Variants in CYRIB observed in about 807,000 individuals in gnomAD.
CYRIB encodes CYFIP related Rac1 interactor B, also known as CYFIP-related Rac1 interactor B.
In CYRIB, 8 loss-of-function variants were observed where a neutral mutation model predicts 44.2. The observed-to-expected ratio is 0.18, with a 90% CI of 0.11 to 0.33. The LOEUF (loss-of-function observed/expected upper bound fraction) is 0.33, where lower values mean the gene tolerates loss of function less well. Ranked by LOEUF, CYRIB falls within the 10% of genes least tolerant of loss-of-function variation. The pLI is 1.00. For synonymous variants in CYRIB, 131 were observed against 127.2 expected, an observed-to-expected ratio of 1.03 and a Z score of -0.20; for missense variants, 185 against 382.8, an observed-to-expected ratio of 0.48 and a Z score of 4.31.
chr8:129,895,416 C>A (rs1211028009), intron 2 of CYRIB, among the ~76,000 whole-genome samples: 1 of 113,296 alleles, frequency 8.8e-6, no homozygotes, highest in African/African-American at 3.0e-5. Flanking sequence ...TCATAACAGT[C>A]CAGTTTTTCA....
intron 2 of CYRIB, among the ~76,000 whole-genome samples, chr8:129,964,515 G>A (rs907639570): frequency 6.6e-6 from 1 of 152,162 alleles, no homozygotes. Context: ...CTTGCAGGCC[G>A]TCATGGAATT....
intron 1 of CYRIB, among the ~76,000 whole-genome samples, chr8:130,007,214 C>A (rs1363982999): frequency 6.6e-6 from 1 of 152,164 alleles, no homozygotes; most frequent in African/African-American, 2.4e-5. Flanking sequence ...GAGATGCCCA[C>A]TGAGAAAACC....
At chr8:129,944,764 C>T (rs139230288), upstream of CYRIB, among the ~76,000 whole-genome samples, 91 of 151,544 alleles carry the variant, frequency 6.0e-4, no homozygotes, top group South Asian at 0.01. Context: ...GCCTGGGCAA[C>T]GCAGTAAGAC....
chr8:129,862,689 C>T lies in CYRIB; in HGVS notation c.196-355G>A, dbSNP rs560532791. Among the ~76,000 whole-genome samples the T allele has an allele frequency of 2.0e-5, 3 of 152,276 alleles. No individual in the cohort carries two copies. The South Asian group carries it at 6.2e-4, about 32-fold the overall frequency. Reference sequence around the variant, plus strand: ...GTTTCGCCATGTTGGCCAGGCTGGTCTCGAACTCCTGACCTCAGGTGATCC... The same window carrying T: ...GTTTCGCCATGTTGGCCAGGCTGGTTTCGAACTCCTGACCTCAGGTGATCC... On this transcript the variant is annotated intron_variant, in intron 4 of 11. Transcript: ENST00000519824.
chr8:130,007,329 T>C (rs1213804265), intron 1 of CYRIB, among the ~76,000 whole-genome samples: 1 of 152,054 alleles, frequency 6.6e-6, no homozygotes, highest in African/African-American at 2.4e-5. Context: ...CCAAAGGAGG[T>C]AGTAAAAACA....
chr8:129,941,969 T>C (rs2093742440), upstream of CYRIB, among the ~76,000 whole-genome samples: 1 of 152,170 alleles, frequency 6.6e-6, no homozygotes. Context: ...ATTTTCTCTA[T>C]GGAGAGCAAT....
chr8:129,955,824 C>G (rs1227707832), intron 2 of CYRIB, among the ~76,000 whole-genome samples: 1 of 152,140 alleles, frequency 6.6e-6, no homozygotes, highest in African/African-American at 2.4e-5. Flanking sequence ...AGCCACAAGC[C>G]AAAATAAACT....
Position 129,959,628 on chromosome 8 carries a change from A to T in CYRIB, c.-243+11315T>A, listed in dbSNP as rs150196437. 2.5e-3 allele frequency among the ~76,000 whole-genome samples: 378 copies of T among 152,232 alleles called. 4 individuals are homozygous for T. The Middle Eastern group carries it at 0.037, about 15-fold the overall frequency. ...CATCTCTATTATTAATATTTTAAAAAATAAGAAAAAGGTGAGTGTCTAATA... is the reference window on the plus strand; with the variant it reads ...CATCTCTATTATTAATATTTTAAAATATAAGAAAAAGGTGAGTGTCTAATA... On this transcript the variant is annotated intron_variant, in intron 2 of 14. Transcript: ENST00000401979.
At chr8:129,965,668 T>C (rs943255478) in intron 2 of CYRIB, among the ~76,000 whole-genome samples, 3 of 151,480 alleles carry the variant, frequency 2.0e-5, no homozygotes, top group East Asian at 2.0e-4. Flanking sequence ...TGGTGGTGGG[T>C]GCCTGTAGTC....
At chr8:129,930,386 T>TA (rs1338007307) in intron 1 of CYRIB, among the ~76,000 whole-genome samples, 73 of 130,712 alleles carry the variant, frequency 5.6e-4, no homozygotes, top group Non-Finnish European at 9.4e-4. Context: ...TATATTTTAA[T>TA]TATTTAAATC....
intron 2 of CYRIB, among the ~76,000 whole-genome samples, chr8:129,881,582 C>G (rs2060820141): frequency 6.6e-6 from 1 of 152,152 alleles, no homozygotes; most frequent in Non-Finnish European, 1.5e-5. Flanking sequence ...CTTTAGAGGT[C>G]AAAGTCTGAT....
At chr8:129,923,080 A>AG (rs1198791869) in intron 1 of CYRIB, among the ~76,000 whole-genome samples, 2 of 147,696 alleles carry the variant, frequency 1.4e-5, no homozygotes, top group African/African-American at 5.0e-5. Context: ...AAAAAAAAAA[A>AG]AAAGAATACA....
At chr8:129,898,418 T>C (rs2069416861) in intron 2 of CYRIB, among the ~76,000 whole-genome samples, 1 of 152,196 alleles carries the variant, frequency 6.6e-6, no homozygotes, top group African/African-American at 2.4e-5. Flanking sequence ...GATGGTTGGA[T>C]GCAGAAGCTA....
intron 1 of CYRIB, among the ~76,000 whole-genome samples, chr8:129,908,893 C>T (rs989471757): frequency 1.3e-5 from 2 of 152,048 alleles, no homozygotes; most frequent in Admixed American, 6.6e-5. Flanking sequence ...TAATACTGCG[C>T]AAATATTAAT....
intron 3 of CYRIB, among the ~76,000 whole-genome samples, chr8:129,871,944 T>C (rs893982124): frequency 1.3e-5 from 2 of 152,154 alleles, no homozygotes; most frequent in Non-Finnish European, 2.9e-5. Flanking sequence ...TATTTTCCTA[T>C]AAAGTTCATT....
At chr8:129,951,197 G>T (rs568947577) in intron 2 of CYRIB, among the ~76,000 whole-genome samples, 1 of 152,074 alleles carries the variant, frequency 6.6e-6, no homozygotes, top group Non-Finnish European at 1.5e-5. Context: ...CCAGTTACTC[G>T]GGAGGCTGGG....
At chr8:130,012,144 T>C (rs1208657803) in intron 1 of CYRIB, among the ~76,000 whole-genome samples, 1 of 152,010 alleles carries the variant, frequency 6.6e-6, no homozygotes, top group East Asian at 1.9e-4. Flanking sequence ...ATTATTTATA[T>C]ATTTATGAAC....
At chr8:129,876,330 G>A (rs1190322623) in intron 3 of CYRIB, among the ~76,000 whole-genome samples, 4 of 151,914 alleles carry the variant, frequency 2.6e-5, no homozygotes, top group African/African-American at 7.2e-5. Flanking sequence ...AGATCATGCC[G>A]CTGCACTCCA....
At chr8:129,846,920 T>A in intron 10 of CYRIB, 46 bp from the exon 13 acceptor site, 1 of 1,163,994 alleles carries the variant, frequency 8.6e-7, no homozygotes. Flanking sequence ...ATTTTTTTCA[T>A]GTAACATTCC....
Sources: allele counts gnomAD v4.1 joint callset (sites outside exome capture counted in the v4.1 genomes callset), GRCh38; gene constraint gnomAD v4.1.1; transcripts MANE v1.5; gene names NCBI Gene and HGNC (gene_info 2026-07-23, HGNC 2026-07-21).